Variants in ME1 observed in about 807,000 individuals in gnomAD.
The protein encoded by ME1 is malic enzyme 1, also known as NADP-dependent malic enzyme.
A neutral mutation model predicts 66.4 loss-of-function variants in ME1; 74 were observed. The observed-to-expected ratio is 1.11, with a 90% CI of 0.92 to 1.35. The LOEUF (loss-of-function observed/expected upper bound fraction) is 1.35, where lower values mean the gene tolerates loss of function less well. Ranked by LOEUF, ME1 falls within the 40% of genes most tolerant of loss-of-function variation. The pLI, the probability that ME1 is intolerant of heterozygous loss-of-function variation, is 0.00. For missense variants in ME1, 750 were observed against 694.1 expected (o/e 1.08, Z -0.90); for synonymous variants, 251 against 235.6 (o/e 1.07, Z -0.60).
intron 6 of ME1, among the ~76,000 whole-genome samples, chr6:83,306,683 T>C (rs1767830510): frequency 6.6e-6 from 1 of 152,140 alleles, no homozygotes; most frequent in African/African-American, 2.4e-5. Flanking sequence ...TATGCCACTG[T>C]AGTTTCAAGA....
At chr6:83,393,265 G>T in intron 3 of ME1, 1 of 1,169,556 alleles carries the variant, frequency 8.6e-7, no homozygotes. Flanking sequence ...AACTTCAACA[G>T]ACACCCACTC....
At chr6:83,382,886 G>A (rs561793710) in intron 3 of ME1, among the ~76,000 whole-genome samples, 4 of 151,926 alleles carry the variant, frequency 2.6e-5, no homozygotes, top group African/African-American at 7.2e-5. Flanking sequence ...CATTCTAAAT[G>A]TTTCCATGAA....
intron 9 of ME1, among the ~76,000 whole-genome samples, chr6:83,236,205 G>T (rs1274586637): frequency 6.6e-6 from 1 of 151,714 alleles, no homozygotes; most frequent in Non-Finnish European, 1.5e-5. Flanking sequence ...CTTTATTTAG[G>T]TAAGTGTAAC....
At chr6:83,389,681 T>C (rs1157821443) in intron 3 of ME1, among the ~76,000 whole-genome samples, 1 of 152,122 alleles carries the variant, frequency 6.6e-6, no homozygotes, top group Non-Finnish European at 1.5e-5. Context: ...ATCCATTACA[T>C]ATACCTGCAT....
intron 6 of ME1, among the ~76,000 whole-genome samples, chr6:83,260,559 C>G (rs2128529359): frequency 6.6e-6 from 1 of 152,236 alleles, no homozygotes; most frequent in East Asian, 1.9e-4. Flanking sequence ...TGTTCTGCTC[C>G]TCTTCCTCTT....
chr6:83,408,013 T>C, intron 1 of ME1, 112 bp from the exon 2 acceptor site: 1 of 1,260,402 alleles, frequency 7.9e-7, no homozygotes, highest in Non-Finnish European at 1.1e-6. Flanking sequence ...GAAGTCTGCG[T>C]CACTGGAAGC....
chr6:83,232,395 T>C (rs957616021), intron 9 of ME1, among the ~76,000 whole-genome samples: 2 of 152,204 alleles, frequency 1.3e-5, no homozygotes, highest in Non-Finnish European at 2.9e-5. Context: ...AGATAAATTA[T>C]GTGACAAAAG....
chr6:83,323,520 A>ATC (rs1554268159), intron 5 of ME1, among the ~76,000 whole-genome samples: 1 of 151,144 alleles, frequency 6.6e-6, no homozygotes, highest in Admixed American at 6.6e-5. Flanking sequence ...CAAAAAAAAA[A>ATC]CCCCAGAGGT....
chr6:83,298,555 A>G (rs1767647161), intron 6 of ME1, among the ~76,000 whole-genome samples: 1 of 152,048 alleles, frequency 6.6e-6, no homozygotes, highest in Non-Finnish European at 1.5e-5. Flanking sequence ...GCTGTGCAGA[A>G]GCTTTTTAGT....
chr6:83,374,081 T>C (rs1048436127), intron 3 of ME1, among the ~76,000 whole-genome samples: 79 of 152,348 alleles, frequency 5.2e-4, no homozygotes, highest in African/African-American at 1.9e-3. Context: ...TGTATCTTTA[T>C]AATAGAATGA....
At chr6:83,237,208 GAGAGAGAGAC>G (rs1434128533) in intron 9 of ME1, among the ~76,000 whole-genome samples, 1 of 136,148 alleles carries the variant, frequency 7.3e-6, no homozygotes, top group African/African-American at 2.8e-5. Flanking sequence ...AACAGAGAGA[GAGAGAGAGAC>G]AGAGAGAGAA....
intron 7 of ME1, among the ~76,000 whole-genome samples, chr6:83,249,587 G>A (rs1790686973): frequency 6.6e-6 from 1 of 152,062 alleles, no homozygotes; most frequent in Admixed American, 6.6e-5. Flanking sequence ...TAATTATTTT[G>A]TCCTCAATGT....
At chr6:83,383,848 A>G (rs1012679933) in intron 3 of ME1, among the ~76,000 whole-genome samples, 1 of 151,982 alleles carries the variant, frequency 6.6e-6, no homozygotes, top group Non-Finnish European at 1.5e-5. Flanking sequence ...TAAGGATTTA[A>G]GTAGATAACA....
chr6:83,227,444 T>C lies in ME1; in HGVS notation c.1166A>G (p.Gln389Arg), dbSNP rs1313368896. The C allele has an allele frequency of 6.2e-7, 1 of 1,603,928 alleles. No individual in the cohort carries two copies. Among genetic ancestry groups the C allele is most frequent in the Non-Finnish European group, 8.5e-7 (1 of 1,173,600 alleles). ...GAAGGCAGCCATATCTTTGAGAATT[T>C]GTTCTGAGAATGCACCACCAATTGC... The part of the protein sequence containing the change: ...VAAIGGAFSE[Q>R]ILKDMAAFNE... The change falls in exon 11 of 14, where the codon CAA becomes CGA. Residue 389 changes from glutamine (Q) to arginine (R), a missense_variant. Transcript: ENST00000369705.
intron 6 of ME1, among the ~76,000 whole-genome samples, chr6:83,294,734 G>C (rs1484819630): frequency 6.6e-6 from 1 of 152,098 alleles, no homozygotes; most frequent in Non-Finnish European, 1.5e-5. Context: ...CCAAGGAGGG[G>C]AGGCCAATCT....
At chr6:83,262,465 C>T (rs144455699) in intron 6 of ME1, among the ~76,000 whole-genome samples, 315 of 152,282 alleles carry the variant, frequency 2.1e-3, no homozygotes, top group Non-Finnish European at 3.6e-3. Context: ...CCAGTAAATA[C>T]CTCATCTCCA....
Position 83,227,396 on chromosome 6 carries a change from G to T in ME1, c.1214C>A (p.Ala405Asp). 1 of 1,606,978 alleles carries T rather than the reference G, an allele frequency of 6.2e-7. No homozygotes were observed. Among genetic ancestry groups the T allele is most frequent in the Non-Finnish European group, 8.5e-7 (1 of 1,175,442 alleles). Reference protein sequence around the residue: ...AAFNERPIIFALSNPTSKAEC... With the variant: ...AAFNERPIIFDLSNPTSKAEC... ...TGCTTTGCTAGTTGGATTACTCAAA[G>T]CAAAAATAATAGGCCGTTCATTGAA... is the stretch of plus-strand genomic sequence containing the variant. The change falls in exon 11 of 14, where the codon GCT becomes GAT. Residue 405 changes from alanine (A) to aspartate (D), a missense_variant. Physicochemically the swap from Ala to Asp is moderately radical, Grantham distance 126. Coordinates refer to ENST00000369705, the MANE Select transcript of ME1 (RefSeq NM_002395.6).
intron 6 of ME1, among the ~76,000 whole-genome samples, chr6:83,263,695 AG>A (rs755522076): frequency 1.6e-4 from 25 of 152,188 alleles, no homozygotes; most frequent in Admixed American, 4.6e-4. Context: ...GCAGAAGAAA[AG>A]TTTGATGCTA....
At chr6:83,329,309 A>T (rs1768361412) in intron 5 of ME1, among the ~76,000 whole-genome samples, 1 of 152,164 alleles carries the variant, frequency 6.6e-6, no homozygotes. Flanking sequence ...CATATATAAG[A>T]TTATCTGTCC....
Sources: allele counts gnomAD v4.1 joint callset (sites outside exome capture counted in the v4.1 genomes callset), GRCh38; gene constraint gnomAD v4.1.1; transcripts MANE v1.5; gene names NCBI Gene and HGNC (gene_info 2026-07-23, HGNC 2026-07-21).